The following UBAP1 variants were observed in gnomAD, a reference collection of about 807,000 sequenced individuals.
The protein encoded by UBAP1 is ubiquitin associated protein 1, also known as ubiquitin-associated protein 1.
Under a neutral mutation model 39.0 loss-of-function variants are expected in UBAP1, and 5 were observed. The ratio of observed to expected loss-of-function variants is 0.13; its 90% CI spans 0.07 to 0.27. The LOEUF (loss-of-function observed/expected upper bound fraction) is 0.27, where lower values mean the gene tolerates loss of function less well. UBAP1 is among the 10% of genes least tolerant of loss of function. The pLI is 1.00. For synonymous variants in UBAP1, 211 were observed against 225.1 expected (o/e 0.94, Z 0.56); for missense variants, 490 against 608.1 (o/e 0.81, Z 2.04).
At chr9:34,193,555 C>A (rs1485755484) in intron 1 of UBAP1, among the ~76,000 whole-genome samples, 2 of 152,138 alleles carry the variant, frequency 1.3e-5, no homozygotes, top group Non-Finnish European at 2.9e-5. Flanking sequence ...GGCCCTGGAT[C>A]TTATGACCCA....
At chr9:34,208,690 A>G (rs900943816) in intron 1 of UBAP1, among the ~76,000 whole-genome samples, 1 of 151,190 alleles carries the variant, frequency 6.6e-6, no homozygotes, top group Non-Finnish European at 1.5e-5. Context: ...AGGCAGGTCA[A>G]TGGCGTGAAC....
chr9:34,205,078 G>A (rs1320508986), intron 1 of UBAP1, among the ~76,000 whole-genome samples: 3 of 151,998 alleles, frequency 2.0e-5, no homozygotes, highest in African/African-American at 7.3e-5. Flanking sequence ...GTGCAGTGGC[G>A]CCATCACTGT....
chr9:34,219,404 C>A (rs1206793395), intron 1 of UBAP1, among the ~76,000 whole-genome samples: 1 of 152,026 alleles, frequency 6.6e-6, no homozygotes, highest in African/African-American at 2.4e-5. Context: ...AGAAACTTTT[C>A]AAGAAAAGTT....
intron 2 of UBAP1, among the ~76,000 whole-genome samples, chr9:34,228,664 G>T (rs554407802): frequency 2.7e-4 from 40 of 150,416 alleles, no homozygotes; most frequent in African/African-American, 9.8e-4. Context: ...CCGCCTCCTG[G>T]GTTCAAGTGA....
intron 4 of UBAP1, among the ~76,000 whole-genome samples, chr9:34,244,099 C>T (rs1012928529): frequency 1.3e-4 from 20 of 152,144 alleles, no homozygotes; most frequent in African/African-American, 3.1e-4. Flanking sequence ...CCGCCCGCCT[C>T]GGCCTCCCAA....
intron 1 of UBAP1, among the ~76,000 whole-genome samples, chr9:34,201,755 A>G (rs1831384878): frequency 6.6e-6 from 1 of 152,080 alleles, no homozygotes; most frequent in South Asian, 2.1e-4. Flanking sequence ...ACCTGGAGAT[A>G]GTGTCAGATC....
chr9:34,203,366 T>A (rs1831506817), intron 1 of UBAP1, among the ~76,000 whole-genome samples: 1 of 152,220 alleles, frequency 6.6e-6, no homozygotes, highest in Non-Finnish European at 1.5e-5. Context: ...TTCTTTTTTC[T>A]CTTTTCTCTG....
At chr9:34,201,071 G>A (rs897055547) in intron 1 of UBAP1, among the ~76,000 whole-genome samples, 3 of 152,030 alleles carry the variant, frequency 2.0e-5, no homozygotes, top group Non-Finnish European at 4.4e-5. Flanking sequence ...GCGCCACCAT[G>A]CCTGCCTAAT....
intron 2 of UBAP1, among the ~76,000 whole-genome samples, chr9:34,226,714 T>C (rs1044924664): frequency 6.7e-6 from 1 of 148,954 alleles, no homozygotes. Context: ...TTAACACTGT[T>C]CAATTTTTTT....
At chr9:34,212,209 C>T (rs1024415426) in intron 1 of UBAP1, among the ~76,000 whole-genome samples, 3 of 151,954 alleles carry the variant, frequency 2.0e-5, no homozygotes, top group Non-Finnish European at 2.9e-5. Context: ...GTTTTGTGCA[C>T]ATTTTTTACA....
chr9:34,185,663 C>T (rs1056530040), intron 1 of UBAP1, among the ~76,000 whole-genome samples: 3 of 152,044 alleles, frequency 2.0e-5, no homozygotes, highest in East Asian at 1.9e-4. Context: ...CTGGCCAACA[C>T]GGTGAAACCC....
rs375603619 is a variant in UBAP1, at chr9:34,204,848, AACCAGTCTTT to A, written c.-7-16058_-7-16049del. ...AACTTGTTGACATTATTTTTTTGCC[AACCAGTCTTT>A]ATTCAGTTGCAAGAATTAAATTGAT... On this transcript the variant is annotated intron_variant, in intron 1 of 6. Transcript: ENST00000297661. Among the ~76,000 whole-genome samples, 569 of 152,214 alleles carry A rather than the reference AACCAGTCTTT, an allele frequency of 3.7e-3. 5 individuals are homozygous for A. Among genetic ancestry groups the A allele is most frequent in the African/African-American group, 0.013 (535 of 41,526 alleles).
At chr9:34,250,550 G>A (rs1834431346) in intron 5 of UBAP1, 108 bp from the exon 6 acceptor site, 2 of 770,170 alleles carry the variant, frequency 2.6e-6, no homozygotes, top group African/African-American at 1.7e-5. Context: ...AGTATCTGAC[G>A]GCCTGGGTGG....
At chr9:34,225,527 C>G (rs1018815760) in intron 2 of UBAP1, among the ~76,000 whole-genome samples, 1 of 152,008 alleles carries the variant, frequency 6.6e-6, no homozygotes, top group African/African-American at 2.4e-5. Context: ...CCTGTAATCA[C>G]AGCACTTTGG....
chr9:34,187,356 C>T (rs1041251), intron 1 of UBAP1, among the ~76,000 whole-genome samples: 49,348 of 152,072 alleles, frequency 0.32, 9,821 homozygotes, highest in Non-Finnish European at 0.45. Flanking sequence ...AGGCAGACTT[C>T]TTAGAAGTTG....
At chr9:34,196,813 A>G (rs1421451482) in intron 1 of UBAP1, among the ~76,000 whole-genome samples, 2 of 151,142 alleles carry the variant, frequency 1.3e-5, no homozygotes, top group Non-Finnish European at 2.9e-5. Flanking sequence ...TTCAGTCATT[A>G]TATTCTTCCG....
intron 1 of UBAP1, among the ~76,000 whole-genome samples, chr9:34,199,738 T>C (rs1391413436): frequency 6.6e-6 from 1 of 150,870 alleles, no homozygotes; most frequent in Non-Finnish European, 1.5e-5. Flanking sequence ...CTGGCTCAGG[T>C]GATCCTCCTG....
At chr9:34,221,527 T>TAAA (rs34279455) in intron 2 of UBAP1, among the ~76,000 whole-genome samples, 1 of 131,410 alleles carries the variant, frequency 7.6e-6, no homozygotes, top group African/African-American at 2.9e-5. Flanking sequence ...GAGACTCCAT[T>TAAA]AAAAAAAAAA....
intron 1 of UBAP1, among the ~76,000 whole-genome samples, chr9:34,192,904 A>G (rs75970115): frequency 1.3e-5 from 2 of 152,056 alleles, no homozygotes; most frequent in Non-Finnish European, 2.9e-5. Flanking sequence ...ATAATTACTT[A>G]TTTTTCTATA....
Sources: allele counts gnomAD v4.1 joint callset (sites outside exome capture counted in the v4.1 genomes callset), GRCh38; gene constraint gnomAD v4.1.1; transcripts MANE v1.5; gene names NCBI Gene and HGNC (gene_info 2026-07-23, HGNC 2026-07-21).